CALN1: variants seen among roughly 807,000 people sequenced by gnomAD.
The protein encoded by CALN1 is calcium-binding protein 8.
CALN1 carries 17 observed loss-of-function variants against 30.6 expected under a neutral mutation model. The ratio of observed to expected loss-of-function variants is 0.56; its 90% CI spans 0.38 to 0.83. The LOEUF is 0.83. Ranked by LOEUF, CALN1 falls within the 40% of genes least tolerant of loss-of-function variation. The pLI is 0.00. For synonymous variants in CALN1, 156 were observed against 131.4 expected (o/e 1.19, Z -1.28); for missense variants, 291 against 354.9 (o/e 0.82, Z 1.45).
chr7:72,283,386 T>A (rs1383346608), intron 2 of CALN1, among the ~76,000 whole-genome samples: 3 of 151,822 alleles, frequency 2.0e-5, no homozygotes, highest in Admixed American at 2.0e-4. Flanking sequence ...ATAAAAAAAT[T>A]TAGCTGGGCA....
At chr7:71,987,507 A>G (rs1301672659) in intron 5 of CALN1, among the ~76,000 whole-genome samples, 1 of 152,266 alleles carries the variant, frequency 6.6e-6, no homozygotes. Flanking sequence ...CCATGGGCAC[A>G]GGGAAGAGCC....
chr7:72,179,901 A>C (rs1436110367), intron 3 of CALN1, among the ~76,000 whole-genome samples: 2 of 152,238 alleles, frequency 1.3e-5, no homozygotes, highest in Non-Finnish European at 2.9e-5. Context: ...TATTAACAAA[A>C]GACATAATAA....
intron 2 of CALN1, among the ~76,000 whole-genome samples, chr7:72,366,818 G>T (rs75125236): frequency 8.3e-6 from 1 of 120,334 alleles, no homozygotes; most frequent in East Asian, 2.9e-4. Flanking sequence ...CTTTCTCAGG[G>T]ATATAACCAA....
chr7:72,225,606 G>C (rs1298195046), intron 3 of CALN1, among the ~76,000 whole-genome samples: 1 of 152,024 alleles, frequency 6.6e-6, no homozygotes, highest in Non-Finnish European at 1.5e-5. Context: ...CTATTTTAAA[G>C]CGAAGCCCTC....
chr7:71,808,128 A>T (rs909139516), intron 6 of CALN1, among the ~76,000 whole-genome samples: 1 of 152,194 alleles, frequency 6.6e-6, no homozygotes, highest in Admixed American at 6.6e-5. Context: ...TTGGTTAGGT[A>T]ATGGTTAGGT....
intron 2 of CALN1, among the ~76,000 whole-genome samples, chr7:72,298,018 T>A (rs1236653020): frequency 6.6e-6 from 1 of 151,986 alleles, no homozygotes; most frequent in African/African-American, 2.4e-5. Context: ...CATCTTATTA[T>A]TTTTTTTAGC....
intron 5 of CALN1, among the ~76,000 whole-genome samples, chr7:71,958,355 G>A (rs972857447): frequency 6.6e-6 from 1 of 152,022 alleles, no homozygotes; most frequent in African/African-American, 2.4e-5. Flanking sequence ...TTATTAGTTT[G>A]ATCCATTCTC....
At chr7:71,963,363 AT>A (rs143030434) in intron 5 of CALN1, among the ~76,000 whole-genome samples, 22,357 of 152,046 alleles carry the variant, frequency 0.15, 1,719 homozygotes, top group Middle Eastern at 0.21. Context: ...AGGTTTCACC[AT>A]GTTGGCCAGG....
chr7:72,074,935 G>C (rs1804635077), intron 4 of CALN1, among the ~76,000 whole-genome samples: 1 of 152,164 alleles, frequency 6.6e-6, no homozygotes, highest in Non-Finnish European at 1.5e-5. Context: ...TAAATAAACA[G>C]AAGTCAAAAA....
rs150471477 is a variant in CALN1 at position 72,380,289 on chromosome 7, C to T, written c.119+22962G>A. ...GCCTATGAGAAGACACTGCAACACACAGGAAGGAAAACATTGTCCCAATTC... is the reference window on the plus strand; with the variant it reads ...GCCTATGAGAAGACACTGCAACACATAGGAAGGAAAACATTGTCCCAATTC... On this transcript the variant is annotated intron_variant, in intron 2 of 6. Coordinates refer to ENST00000395275, the MANE Select transcript of CALN1 (RefSeq NM_031468.4). Among the ~76,000 whole-genome samples the T allele has an allele frequency of 4.6e-5, 7 of 152,238 alleles. No homozygotes were observed. The East Asian group carries it at 1.2e-3, about 25-fold the overall frequency.
At chr7:72,469,001 G>A in the CALN1 span, among the ~76,000 whole-genome samples, 1 of 152,002 alleles carries the variant, frequency 6.6e-6, no homozygotes, top group Admixed American at 6.6e-5. Flanking sequence ...CCCATTTTGT[G>A]GGTTTCCTTT....
upstream of CALN1, among the ~76,000 whole-genome samples, chr7:72,413,778 C>T (rs199673892): frequency 1.3e-5 from 2 of 151,746 alleles, no homozygotes; most frequent in African/African-American, 4.9e-5. Flanking sequence ...ACACACTACA[C>T]AGACACGCAC....
chr7:71,907,276 G>A (rs1794191079), intron 5 of CALN1, among the ~76,000 whole-genome samples: 1 of 135,144 alleles, frequency 7.4e-6, no homozygotes, highest in African/African-American at 3.2e-5. Context: ...ACAACTTAAG[G>A]AAGGCTTGAT....
At position 72,325,774 on chromosome 7, in the gene CALN1, C is replaced by T. The variant is rs539854773; in HGVS notation, c.120-46964G>A. ...GGGCAGATGATCTATTGGTGACCTG[C>T]TCCCACCAAGTGACTCATGAAGGGA... On this transcript the variant is annotated intron_variant, in intron 2 of 6. Transcript: ENST00000395275. Among the ~76,000 whole-genome samples the T allele has an allele frequency of 8.4e-4, 128 of 152,274 alleles. 3 individuals are homozygous for T. In the South Asian group the frequency reaches 0.026, roughly 31 times the overall value.
intron 5 of CALN1, among the ~76,000 whole-genome samples, chr7:71,902,368 T>C (rs923670098): frequency 2.0e-5 from 3 of 151,900 alleles, no homozygotes; most frequent in Admixed American, 2.0e-4. Flanking sequence ...AATGAGATAC[T>C]ATCTTACACC....
At chr7:72,071,540 C>T (rs1205145937) in intron 4 of CALN1, among the ~76,000 whole-genome samples, 1 of 152,126 alleles carries the variant, frequency 6.6e-6, no homozygotes, top group East Asian at 1.9e-4. Flanking sequence ...GGTGCAGGCT[C>T]AGAAAAGACC....
At chr7:71,853,593 T>A (rs1030283322) in intron 5 of CALN1, among the ~76,000 whole-genome samples, 14 of 151,926 alleles carry the variant, frequency 9.2e-5, no homozygotes, top group Admixed American at 2.6e-4. Context: ...TTTTTTTTTT[T>A]ATTTGAGACA....
chr7:72,114,827 C>G (rs1268214615), intron 3 of CALN1, among the ~76,000 whole-genome samples: 1 of 152,094 alleles, frequency 6.6e-6, no homozygotes, highest in Admixed American at 6.5e-5. Context: ...AACCCCGTCT[C>G]TACTAAAAAT....
intron 5 of CALN1, among the ~76,000 whole-genome samples, chr7:71,891,917 C>T (rs1446790354): frequency 6.6e-6 from 1 of 151,964 alleles, no homozygotes; most frequent in Non-Finnish European, 1.5e-5. Flanking sequence ...GCACTCCAGC[C>T]TGGGCAACAG....
Sources: allele counts gnomAD v4.1 joint callset (sites outside exome capture counted in the v4.1 genomes callset), GRCh38; gene constraint gnomAD v4.1.1; transcripts MANE v1.5; gene names NCBI Gene and HGNC (gene_info 2026-07-23, HGNC 2026-07-21).